Variants in ERI3 observed in about 807,000 individuals in gnomAD.
ERI3 encodes the protein ERI1 exoribonuclease family member 3.
Under a neutral mutation model 44.4 loss-of-function variants are expected in ERI3, and 18 were observed. The observed-to-expected ratio is 0.41, with a 90% CI of 0.28 to 0.60. The LOEUF is 0.60. Ranked by LOEUF, ERI3 falls within the 20% of genes least tolerant of loss-of-function variation. The pLI, the probability that ERI3 is intolerant of heterozygous loss-of-function variation, is 0.36. For synonymous variants in ERI3, 183 were observed against 164.8 expected (o/e 1.11, Z -0.84); for missense variants, 294 against 435.5 (o/e 0.68, Z 2.89).
chr1:44,297,413 C>G (rs1448105650), intron 6 of ERI3, among the ~76,000 whole-genome samples: 3 of 152,036 alleles, frequency 2.0e-5, no homozygotes, highest in Non-Finnish European at 1.5e-5. Context: ...GGGGTGTTCA[C>G]AGCCTCTCAT....
intron 8 of ERI3, among the ~76,000 whole-genome samples, chr1:44,222,858 G>T (rs1473268630): frequency 6.6e-6 from 1 of 152,198 alleles, no homozygotes; most frequent in East Asian, 1.9e-4. Flanking sequence ...AAGTGTGGGG[G>T]GGTATTAAGG....
At chr1:44,223,082 G>A (rs1643941947) in intron 8 of ERI3, among the ~76,000 whole-genome samples, 2 of 152,220 alleles carry the variant, frequency 1.3e-5, no homozygotes, top group South Asian at 4.1e-4. Context: ...GATCAGCATG[G>A]ACGCACCTGC....
chr1:44,233,405 CT>C (rs767308485), intron 8 of ERI3, among the ~76,000 whole-genome samples: 309 of 140,668 alleles, frequency 2.2e-3, no homozygotes, highest in Middle Eastern at 7.5e-3. Flanking sequence ...ATGTCACGTT[CT>C]TTTTTTTTTT....
intron 7 of ERI3, among the ~76,000 whole-genome samples, chr1:44,266,523 T>C (rs909674142): frequency 2.0e-5 from 3 of 152,228 alleles, no homozygotes; most frequent in Non-Finnish European, 4.4e-5. Flanking sequence ...TCAAAGGGGA[T>C]GGTTTTCGGA....
At chr1:44,319,549 T>C (rs1359152147) in intron 4 of ERI3, 79 bp downstream of exon 4, 4 of 896,116 alleles carry the variant, frequency 4.5e-6, no homozygotes, top group Non-Finnish European at 7.2e-6. Context: ...ATGCTTTCTC[T>C]AAGTGGCCTA....
At chr1:44,336,380 C>T (rs1646535786) in intron 3 of ERI3, among the ~76,000 whole-genome samples, 1 of 152,198 alleles carries the variant, frequency 6.6e-6, no homozygotes, top group Non-Finnish European at 1.5e-5. Context: ...TTCAACCTGC[C>T]GTCCCTTTCC....
intron 4 of ERI3, among the ~76,000 whole-genome samples, chr1:44,313,968 T>G: frequency 6.6e-6 from 1 of 152,016 alleles, no homozygotes; most frequent in South Asian, 2.1e-4. Context: ...TTTGCTTTGT[T>G]TTGGTTTGGT....
intron 6 of ERI3, among the ~76,000 whole-genome samples, chr1:44,304,529 C>T (rs535229405): frequency 2.0e-5 from 3 of 152,236 alleles, no homozygotes; most frequent in South Asian, 2.1e-4. Context: ...GGACTCAGCC[C>T]GACCCGCAGC....
intron 3 of ERI3, among the ~76,000 whole-genome samples, chr1:44,326,983 C>T (rs896793403): frequency 6.6e-6 from 1 of 152,200 alleles, no homozygotes; most frequent in African/African-American, 2.4e-5. Flanking sequence ...GAGGTGTGCA[C>T]ACCTGTGTCT....
chr1:44,295,824 C>A (rs1307019303), intron 6 of ERI3, among the ~76,000 whole-genome samples: 1 of 152,164 alleles, frequency 6.6e-6, no homozygotes, highest in Non-Finnish European at 1.5e-5. Flanking sequence ...AGCTTCCAAA[C>A]CCTGTGTGTG....
intron 6 of ERI3, among the ~76,000 whole-genome samples, chr1:44,285,423 G>A (rs983594241): frequency 3.9e-5 from 6 of 152,196 alleles, no homozygotes; most frequent in Non-Finnish European, 8.8e-5. Context: ...TAGGAGGAGA[G>A]AAAGGCAGAG....
chr1:44,311,029 A>G lies in ERI3; in HGVS notation c.666+2140T>C, dbSNP rs116351510. Among the ~76,000 whole-genome samples, 640 of 147,684 alleles carry G rather than the reference A, an allele frequency of 4.3e-3. 3 individuals carry two copies. Among genetic ancestry groups the G allele is most frequent in the African/African-American group, 0.015 (608 of 39,898 alleles). On this transcript the variant is annotated intron_variant, in intron 5 of 8. Transcript: ENST00000372257. ...CACACACACACACGTGCAGGAATCC[A>G]TGAATCCTTTCCCCAGGGTCACCTA...
At chr1:44,293,717 A>G (rs886294398) in intron 6 of ERI3, among the ~76,000 whole-genome samples, 2 of 152,226 alleles carry the variant, frequency 1.3e-5, no homozygotes, top group African/African-American at 4.8e-5. Flanking sequence ...CCAGGAATCG[A>G]AACTAGGTCT....
At chr1:44,296,876 G>A (rs1413125088) in intron 6 of ERI3, among the ~76,000 whole-genome samples, 1 of 152,190 alleles carries the variant, frequency 6.6e-6, no homozygotes. Flanking sequence ...GGGTCAGGGT[G>A]GTGGAAGAAG....
intron 6 of ERI3, among the ~76,000 whole-genome samples, chr1:44,289,846 G>T (rs746200185): frequency 1.3e-5 from 2 of 152,262 alleles, no homozygotes; most frequent in Non-Finnish European, 2.9e-5. Context: ...AGGCAGATGT[G>T]GGGGAGAGCT....
intron 3 of ERI3, among the ~76,000 whole-genome samples, chr1:44,331,476 C>T (rs1012314563): frequency 6.6e-6 from 1 of 152,140 alleles, no homozygotes; most frequent in African/African-American, 2.4e-5. Flanking sequence ...CCTTAGCTTA[C>T]ACCATATCCA....
intron 7 of ERI3, among the ~76,000 whole-genome samples, chr1:44,260,998 GTT>G (rs74667521): frequency 0.14 from 20,815 of 152,170 alleles, 1,809 homozygotes; most frequent in Non-Finnish European, 0.19. Flanking sequence ...TCTAGGGATT[GTT>G]TTTTATCACT....
rs778343365 is a variant in ERI3, at chr1:44,282,616, C to T, written c.831+2219G>A. On this transcript the variant is annotated intron_variant, in intron 7 of 8. Coordinates refer to ENST00000372257, the MANE Select transcript of ERI3 (RefSeq NM_024066.3). ...CCTGGGCCTCCAGACTCAGCAGCCT[C>T]TATGTCCTGAATGGCTGTTGGTAAG... is the stretch of plus-strand genomic sequence containing the variant. 4.6e-5 allele frequency among the ~76,000 whole-genome samples: 7 copies of T among 152,344 alleles called. No homozygotes were observed. The South Asian group carries it at 8.3e-4, about 18-fold the overall frequency.
At chr1:44,293,077 G>C (rs2154324664) in intron 6 of ERI3, among the ~76,000 whole-genome samples, 1 of 152,256 alleles carries the variant, frequency 6.6e-6, no homozygotes, top group East Asian at 1.9e-4. Flanking sequence ...GCTTCAGATG[G>C]GGGTGAGCTG....
Sources: gnomAD v4.1 joint callset for allele counts (sites outside exome capture counted in the v4.1 genomes callset) on GRCh38, gnomAD v4.1.1 for gene constraint, MANE v1.5 for transcripts, NCBI Gene and HGNC (gene_info 2026-07-23, HGNC 2026-07-21) for gene names.